Variants in RBMS3 observed in about 807,000 individuals in gnomAD.
RBMS3 encodes the protein RNA binding motif single stranded interacting protein 3, also known as RNA-binding motif, single-stranded-interacting protein 3.
A neutral mutation model predicts 66.8 loss-of-function variants in RBMS3; 27 were observed. The ratio of observed to expected loss-of-function variants is 0.40; its 90% CI spans 0.30 to 0.56. The LOEUF is 0.56. Among genes scored for constraint, RBMS3 ranks in the 20% least tolerant of loss-of-function variants. The pLI is 0.40. For missense variants in RBMS3, 513 were observed against 549.5 expected (o/e 0.93, Z 0.66); for synonymous variants, 188 against 183.0 (o/e 1.03, Z -0.22).
intron 4 of RBMS3, among the ~76,000 whole-genome samples, chr3:29,639,742 G>A (rs1160787199): frequency 6.6e-6 from 1 of 151,810 alleles, no homozygotes; most frequent in Non-Finnish European, 1.5e-5. Context: ...GTATCTGCCT[G>A]AGAGAAGGAT....
chr3:29,816,311 GACACACACACAC>G (rs66518208), intron 6 of RBMS3, among the ~76,000 whole-genome samples: 811 of 69,094 alleles, frequency 0.012, 3 homozygotes, highest in Non-Finnish European at 0.02. Context: ...GACACACACA[GACACACACACAC>G]ACACACACAC....
intron 3 of RBMS3, among the ~76,000 whole-genome samples, chr3:29,553,583 C>T (rs1473402276): frequency 6.6e-6 from 1 of 152,048 alleles, no homozygotes; most frequent in Non-Finnish European, 1.5e-5. Flanking sequence ...GATGGTGACT[C>T]ATCTGGCAGC....
Position 29,930,109 on chromosome 3 carries a change from C to CTTTCTTT in RBMS3, c.940-5974_940-5973insCTTTTTT, listed in dbSNP as rs71091082. On this transcript the variant is annotated intron_variant, in intron 10 of 14. Coordinates refer to ENST00000383767, the MANE Select transcript of RBMS3 (RefSeq NM_001003793.3). ...TACTTTGTGTCACTTTTCTTTCTTT[C>CTTTCTTT]TTTTTTTTTTTTTTTTTTTTGAGAT... 4.4e-4 allele frequency among the ~76,000 whole-genome samples: 19 copies of CTTTCTTT among 43,572 alleles called. 1 individual carries two copies. The highest frequency in any genetic ancestry group is 1.2e-3 in the African/African-American group (19 of 15,852). The allele number at this position is 43,572 out of a possible 152,430, so 28.6% of individuals were successfully genotyped here.
intron 4 of RBMS3, among the ~76,000 whole-genome samples, chr3:29,636,070 G>T (rs1356269554): frequency 6.7e-6 from 1 of 149,520 alleles, no homozygotes; most frequent in Non-Finnish European, 1.5e-5. Context: ...GTGTGTGTGT[G>T]TGTTTTCAGT....
intron 10 of RBMS3, among the ~76,000 whole-genome samples, chr3:29,927,579 C>T (rs2060973977): frequency 6.6e-6 from 1 of 152,052 alleles, no homozygotes; most frequent in Admixed American, 6.5e-5. Context: ...GGAGTTATTC[C>T]CCAGAATTTA....
intron 7 of RBMS3, among the ~76,000 whole-genome samples, chr3:29,878,958 G>A (rs1191984083): frequency 6.6e-6 from 1 of 152,054 alleles, no homozygotes; most frequent in East Asian, 1.9e-4. Flanking sequence ...TGAGGCAGGA[G>A]GATTGCTAGA....
At chr3:29,537,103 T>C (rs898883227) in intron 3 of RBMS3, among the ~76,000 whole-genome samples, 11 of 152,208 alleles carry the variant, frequency 7.2e-5, no homozygotes, top group Non-Finnish European at 1.3e-4. Flanking sequence ...AGATTTGGAA[T>C]GTTTATTATA....
At chr3:29,453,898 G>GC (rs2042091594) in intron 2 of RBMS3, among the ~76,000 whole-genome samples, 1 of 152,152 alleles carries the variant, frequency 6.6e-6, no homozygotes, top group Non-Finnish European at 1.5e-5. Flanking sequence ...AAGACTGAGG[G>GC]ACCTGGTGAG....
intron 2 of RBMS3, among the ~76,000 whole-genome samples, chr3:29,486,955 T>C (rs963045280): frequency 6.7e-6 from 1 of 150,026 alleles, no homozygotes; most frequent in Admixed American, 6.8e-5. Context: ...TTCTCACATA[T>C]TGTATTAATG....
intron 14 of RBMS3, among the ~76,000 whole-genome samples, chr3:29,999,387 A>G (rs574436771): frequency 3.9e-3 from 594 of 152,350 alleles, no homozygotes; most frequent in African/African-American, 0.013. Context: ...TAGAAATACC[A>G]TTTGACCCAG....
At chr3:29,655,944 G>GC (rs1491118532) in intron 4 of RBMS3, among the ~76,000 whole-genome samples, 5 of 70,788 alleles carry the variant, frequency 7.1e-5, no homozygotes, top group African/African-American at 2.1e-4. Flanking sequence ...AGCTTAAAAA[G>GC]CAAAAAAAAA....
chr3:29,893,217 G>A (rs572735055), intron 8 of RBMS3, among the ~76,000 whole-genome samples: 2 of 151,610 alleles, frequency 1.3e-5, no homozygotes, highest in South Asian at 4.1e-4. Flanking sequence ...AATTTGCTGG[G>A]AAGTATGAAA....
At chr3:29,464,400 G>T (rs1264847962) in intron 2 of RBMS3, among the ~76,000 whole-genome samples, 1 of 152,084 alleles carries the variant, frequency 6.6e-6, no homozygotes, top group Non-Finnish European at 1.5e-5. Context: ...ATAGACTGAG[G>T]CTCACTCTCC....
At chr3:29,586,569 C>T (rs1219648349) in intron 3 of RBMS3, among the ~76,000 whole-genome samples, 3 of 152,088 alleles carry the variant, frequency 2.0e-5, no homozygotes, top group African/African-American at 4.8e-5. Flanking sequence ...GCTTAGTAAT[C>T]AAATGGAACT....
intron 3 of RBMS3, among the ~76,000 whole-genome samples, chr3:29,496,880 T>C (rs2043772676): frequency 1.3e-5 from 2 of 152,296 alleles, no homozygotes. Flanking sequence ...AAAAGTAAAA[T>C]TATCCACTAA....
intron 8 of RBMS3, among the ~76,000 whole-genome samples, chr3:29,891,314 C>T (rs1450194024): frequency 6.6e-6 from 1 of 151,616 alleles, no homozygotes; most frequent in Non-Finnish European, 1.5e-5. Context: ...CTGTCATCTG[C>T]CTGAATCTAT....
chr3:29,304,961 C>A (rs943769948), intron 1 of RBMS3, among the ~76,000 whole-genome samples: 3 of 151,876 alleles, frequency 2.0e-5, no homozygotes, highest in Non-Finnish European at 4.4e-5. Context: ...CTTGAAACAC[C>A]AAGTTTGCTC....
At chr3:29,391,644 A>T (rs2039300753) in intron 1 of RBMS3, among the ~76,000 whole-genome samples, 1 of 152,192 alleles carries the variant, frequency 6.6e-6, no homozygotes, top group South Asian at 2.1e-4. Context: ...AACAACCAAA[A>T]TTATATTTGT....
rs544623799 is a variant in RBMS3 at position 29,567,858 on chromosome 3, A to G, written c.308-19256A>G. Among the ~76,000 whole-genome samples the G allele has an allele frequency of 2.2e-4, 34 of 152,290 alleles. No homozygotes were observed. The South Asian group carries it at 5.6e-3, about 25-fold the overall frequency. On this transcript the variant is annotated intron_variant, in intron 3 of 14. Coordinates refer to ENST00000383767, the MANE Select transcript of RBMS3 (RefSeq NM_001003793.3). ...CAACTCATAACACTTTAAAATTGCAATTCCAAATTATTCCTGTAAAAATAG... is the reference window on the plus strand; with the variant it reads ...CAACTCATAACACTTTAAAATTGCAGTTCCAAATTATTCCTGTAAAAATAG...
Sources: allele counts gnomAD v4.1 joint callset (sites outside exome capture counted in the v4.1 genomes callset), GRCh38; gene constraint gnomAD v4.1.1; transcripts MANE v1.5; gene names NCBI Gene and HGNC (gene_info 2026-07-23, HGNC 2026-07-21).